HS6ST3: variants seen among roughly 807,000 people sequenced by gnomAD.
HS6ST3 encodes the protein heparan sulfate 6-O-sulfotransferase 3.
In HS6ST3, 12 loss-of-function variants were observed where a neutral mutation model predicts 36.7. The observed-to-expected ratio is 0.33, with a 90% CI of 0.21 to 0.53. The LOEUF (loss-of-function observed/expected upper bound fraction) is 0.53, where lower values mean the gene tolerates loss of function less well. Ranked by LOEUF, HS6ST3 falls within the 20% of genes least tolerant of loss-of-function variation. The pLI is 0.95. For synonymous variants in HS6ST3, 240 were observed against 257.5 expected (o/e 0.93, Z 0.65); for missense variants, 584 against 640.9 (o/e 0.91, Z 0.96).
At chr13:96,826,272 A>T (rs891316119) in intron 1 of HS6ST3, among the ~76,000 whole-genome samples, 14 of 152,142 alleles carry the variant, frequency 9.2e-5, no homozygotes, top group Non-Finnish European at 1.6e-4. Context: ...TATATTTTTT[A>T]CTCCTTGCAC....
intron 1 of HS6ST3, among the ~76,000 whole-genome samples, chr13:96,731,482 C>A (rs1332594672): frequency 6.6e-6 from 1 of 151,994 alleles, no homozygotes; most frequent in Non-Finnish European, 1.5e-5. Flanking sequence ...TTTCTTTATC[C>A]ATTTATCTTT....
intron 1 of HS6ST3, among the ~76,000 whole-genome samples, chr13:96,619,473 G>A (rs1422080055): frequency 6.6e-6 from 1 of 152,172 alleles, no homozygotes; most frequent in Non-Finnish European, 1.5e-5. Flanking sequence ...AAGTTGGTTA[G>A]GGAAATTACT....
At chr13:96,824,523 C>G (rs752657649) in intron 1 of HS6ST3, among the ~76,000 whole-genome samples, 7 of 152,202 alleles carry the variant, frequency 4.6e-5, no homozygotes, top group African/African-American at 7.2e-5. Flanking sequence ...GATTGCTAAG[C>G]CTTAACTGCC....
chr13:96,426,063 A>G (rs576461507), intron 1 of HS6ST3, among the ~76,000 whole-genome samples: 8 of 151,724 alleles, frequency 5.3e-5, no homozygotes, highest in Middle Eastern at 3.4e-3. Context: ...GGAAATAGCC[A>G]CTTGTGTAGG....
intron 1 of HS6ST3, among the ~76,000 whole-genome samples, chr13:96,813,805 A>AT (rs1026662908): frequency 7.2e-5 from 11 of 152,244 alleles, no homozygotes; most frequent in African/African-American, 2.7e-4. Flanking sequence ...ACTCACAAAC[A>AT]AAAGAATAGA....
intron 1 of HS6ST3, among the ~76,000 whole-genome samples, chr13:96,442,219 G>T (rs1290972430): frequency 2.6e-5 from 4 of 152,174 alleles, no homozygotes; most frequent in Admixed American, 2.6e-4. Context: ...TCACCATGTT[G>T]CCCAGACTGG....
intron 1 of HS6ST3, among the ~76,000 whole-genome samples, chr13:96,655,726 C>G (rs1397181434): frequency 2.0e-5 from 3 of 152,016 alleles, no homozygotes; most frequent in African/African-American, 4.8e-5. Context: ...CTGATCTTGT[C>G]CCTTCCATAC....
chr13:96,709,137 T>G (rs1210554976), intron 1 of HS6ST3, among the ~76,000 whole-genome samples: 1 of 152,046 alleles, frequency 6.6e-6, no homozygotes, highest in African/African-American at 2.4e-5. Flanking sequence ...GATCTGATGG[T>G]TTTATAAGTG....
chr13:96,721,012 A>T (rs1469875214), intron 1 of HS6ST3, among the ~76,000 whole-genome samples: 1 of 152,208 alleles, frequency 6.6e-6, no homozygotes, highest in African/African-American at 2.4e-5. Context: ...TAAAATTTAT[A>T]GAAAGACTTA....
chr13:96,159,905 A>T (rs1239532940), intron 1 of HS6ST3, among the ~76,000 whole-genome samples: 1 of 152,108 alleles, frequency 6.6e-6, no homozygotes, highest in Non-Finnish European at 1.5e-5. Flanking sequence ...AGGGCTGGGA[A>T]CATGTCTCTG....
chr13:96,485,912 G>A (rs2055911809), intron 1 of HS6ST3, among the ~76,000 whole-genome samples: 2 of 151,792 alleles, frequency 1.3e-5, no homozygotes, highest in Admixed American at 6.6e-5. Context: ...TGTGCACAAC[G>A]TGCAGGTTAG....
intron 1 of HS6ST3, among the ~76,000 whole-genome samples, chr13:96,778,420 A>C (rs1342368975): frequency 6.6e-6 from 1 of 152,198 alleles, no homozygotes; most frequent in African/African-American, 2.4e-5. Context: ...TTTGCAATCT[A>C]TCCACCTGAC....
chr13:96,265,483 A>C lies in HS6ST3; in HGVS notation c.707+173914A>C, dbSNP rs143340028. On this transcript the variant is annotated intron_variant, in intron 1 of 1. Coordinates refer to ENST00000376705, the MANE Select transcript of HS6ST3 (RefSeq NM_153456.4). ...GCATGAGACACCGTGTTTGATGAGC[A>C]CAACACTGTTGACTCTGATTCATTT... 3.4e-3 allele frequency among the ~76,000 whole-genome samples: 517 copies of C among 152,278 alleles called. 4 individuals carry two copies. Among genetic ancestry groups the C allele is most frequent in the African/African-American group, 0.012 (494 of 41,570 alleles).
chr13:96,319,853 G>C (rs760467969), intron 1 of HS6ST3, among the ~76,000 whole-genome samples: 10 of 152,010 alleles, frequency 6.6e-5, no homozygotes, highest in Non-Finnish European at 1.2e-4. Flanking sequence ...CTCTTTGCTG[G>C]GAGTCAGAAA....
intron 1 of HS6ST3, among the ~76,000 whole-genome samples, chr13:96,667,314 C>T (rs1054924615): frequency 5.3e-5 from 8 of 152,102 alleles, no homozygotes; most frequent in South Asian, 2.1e-4. Flanking sequence ...TTGCATTAAA[C>T]GTTGAATACA....
intron 1 of HS6ST3, among the ~76,000 whole-genome samples, chr13:96,660,815 G>A (rs1286922836): frequency 2.0e-5 from 3 of 152,152 alleles, no homozygotes; most frequent in African/African-American, 2.4e-5. Context: ...GTTTCCAGAA[G>A]AGACTGACAT....
intron 1 of HS6ST3, among the ~76,000 whole-genome samples, chr13:96,656,529 A>G (rs1455017293): frequency 6.6e-6 from 1 of 152,194 alleles, no homozygotes. Context: ...AAAGTAGAAT[A>G]AAGGCCAGGA....
At chr13:96,130,137 A>T (rs2053968853) in intron 1 of HS6ST3, among the ~76,000 whole-genome samples, 1 of 152,222 alleles carries the variant, frequency 6.6e-6, no homozygotes, top group Admixed American at 6.5e-5. Flanking sequence ...GGGGAGAAGG[A>T]TGCTAACTTT....
intron 1 of HS6ST3, among the ~76,000 whole-genome samples, chr13:96,661,164 C>G (rs141985774): frequency 6.6e-6 from 1 of 152,234 alleles, no homozygotes; most frequent in Non-Finnish European, 1.5e-5. Context: ...CCTTGCTCCT[C>G]AACTTGCAGA....
Sources: gnomAD v4.1 joint callset for allele counts (sites outside exome capture counted in the v4.1 genomes callset) on GRCh38, gnomAD v4.1.1 for gene constraint, MANE v1.5 for transcripts, NCBI Gene and HGNC (gene_info 2026-07-23, HGNC 2026-07-21) for gene names.